Variants in LRRTM4 observed in about 807,000 individuals in gnomAD.
The protein encoded by LRRTM4 is leucine rich repeat transmembrane neuronal 4.
Under a neutral mutation model 47.6 loss-of-function variants are expected in LRRTM4, and 25 were observed. That is an observed-to-expected ratio of 0.53 (90% CI 0.38 to 0.73). The LOEUF is 0.73. Among genes scored for constraint, LRRTM4 ranks in the 30% least tolerant of loss-of-function variants. The pLI is 0.00. For missense variants in LRRTM4, 638 were observed against 713.4 expected, an observed-to-expected ratio of 0.89 and a Z score of 1.20; for synonymous variants, 311 against 269.5, an observed-to-expected ratio of 1.15 and a Z score of -1.51.
chr2:77,359,213 T>C (rs945525443), intron 3 of LRRTM4, among the ~76,000 whole-genome samples: 8 of 152,170 alleles, frequency 5.3e-5, no homozygotes, highest in Non-Finnish European at 1.2e-4. Context: ...TCTTGTTTTA[T>C]GACTTTATAA....
intron 3 of LRRTM4, among the ~76,000 whole-genome samples, chr2:77,392,605 G>T (rs2103817530): frequency 6.6e-6 from 1 of 152,060 alleles, no homozygotes; most frequent in South Asian, 2.1e-4. Context: ...TATGGTAAGG[G>T]AAATAAGCCA....
chr2:77,287,163 C>T (rs13432114), intron 3 of LRRTM4, among the ~76,000 whole-genome samples: 1,649 of 151,924 alleles, frequency 0.011, 33 homozygotes, highest in African/African-American at 0.037. Flanking sequence ...TAGGTAAGCC[C>T]GTGTAGGTTA....
intron 3 of LRRTM4, among the ~76,000 whole-genome samples, chr2:77,013,178 G>T (rs1289621121): frequency 6.6e-6 from 1 of 152,072 alleles, no homozygotes; most frequent in Non-Finnish European, 1.5e-5. Flanking sequence ...TGAATCAGGA[G>T]GGAAAGGTAT....
At chr2:77,295,486 G>A (rs1469516397) in intron 3 of LRRTM4, among the ~76,000 whole-genome samples, 2 of 152,114 alleles carry the variant, frequency 1.3e-5, no homozygotes, top group African/African-American at 2.4e-5. Flanking sequence ...GGAAGATATT[G>A]GAAAATTGCT....
intron 3 of LRRTM4, among the ~76,000 whole-genome samples, chr2:77,047,663 C>A (rs143318084): frequency 1.3e-5 from 2 of 152,162 alleles, no homozygotes; most frequent in East Asian, 3.9e-4. Context: ...ATGGTCTACC[C>A]TACTCCAGTG....
intron 3 of LRRTM4, among the ~76,000 whole-genome samples, chr2:77,025,045 A>G (rs1385107260): frequency 1.3e-5 from 2 of 152,190 alleles, no homozygotes; most frequent in Non-Finnish European, 2.9e-5. Flanking sequence ...TTATATTTTC[A>G]TACTTCAAAT....
chr2:76,852,233 T>C (rs1309580148), intron 3 of LRRTM4, among the ~76,000 whole-genome samples: 3 of 152,280 alleles, frequency 2.0e-5, no homozygotes, highest in Non-Finnish European at 4.4e-5. Flanking sequence ...ACTTCTGTTC[T>C]ATGGAATCAA....
chr2:77,438,377 G>A (rs997564560), intron 3 of LRRTM4, among the ~76,000 whole-genome samples: 1 of 146,036 alleles, frequency 6.8e-6, no homozygotes, highest in South Asian at 2.2e-4. Context: ...CTACATTTTC[G>A]CTCTCGATCA....
At chr2:77,086,494 T>G (rs1488539307) in intron 3 of LRRTM4, among the ~76,000 whole-genome samples, 1 of 150,628 alleles carries the variant, frequency 6.6e-6, no homozygotes, top group Non-Finnish European at 1.5e-5. Context: ...TTTTTTTTTT[T>G]GAAATGGAGT....
intron 3 of LRRTM4, among the ~76,000 whole-genome samples, chr2:77,430,488 G>T (rs751346918): frequency 1.3e-5 from 2 of 152,138 alleles, no homozygotes; most frequent in East Asian, 3.9e-4. Flanking sequence ...TTGGAAGGCC[G>T]AGGCGGGAGG....
At chr2:77,008,432 T>A (rs1274084263) in intron 3 of LRRTM4, among the ~76,000 whole-genome samples, 1 of 152,146 alleles carries the variant, frequency 6.6e-6, no homozygotes, top group Non-Finnish European at 1.5e-5. Flanking sequence ...TTAAAATAAT[T>A]TAGTTTTATT....
chr2:77,339,313 A>G (rs1369777653), intron 3 of LRRTM4, among the ~76,000 whole-genome samples: 1 of 152,010 alleles, frequency 6.6e-6, no homozygotes, highest in Non-Finnish European at 1.5e-5. Context: ...TTTTCTTAAG[A>G]ATTTTTTCAA....
chr2:77,369,965 G>A (rs781409691), intron 3 of LRRTM4, among the ~76,000 whole-genome samples: 2 of 151,744 alleles, frequency 1.3e-5, no homozygotes, highest in East Asian at 1.9e-4. Flanking sequence ...TTGTTATGAT[G>A]CATGACTCTC....
intron 3 of LRRTM4, among the ~76,000 whole-genome samples, chr2:76,776,375 C>T (rs939544097): frequency 1.3e-5 from 2 of 152,114 alleles, no homozygotes; most frequent in African/African-American, 4.8e-5. Flanking sequence ...GTCCCACCAA[C>T]AGTGTAAAAG....
intron 3 of LRRTM4, among the ~76,000 whole-genome samples, chr2:77,013,215 C>G: frequency 6.6e-6 from 1 of 152,120 alleles, no homozygotes; most frequent in Non-Finnish European, 1.5e-5. Flanking sequence ...GAGGTAGAAG[C>G]AAAGAGCAGG....
chr2:76,808,179 C>A (rs920120852), intron 3 of LRRTM4, among the ~76,000 whole-genome samples: 3 of 151,760 alleles, frequency 2.0e-5, no homozygotes, highest in Non-Finnish European at 2.9e-5. Context: ...CGCCACGACG[C>A]CAGGCTAATT....
In LRRTM4 at chr2:77,480,820, GTGGAGAGA is replaced by G. The variant is rs1414279981; in HGVS notation, c.1551+37490_1551+37497del. Among the ~76,000 whole-genome samples, 80 of 99,128 alleles carry G rather than the reference GTGGAGAGA, an allele frequency of 8.1e-4. No homozygotes were observed. The East Asian group carries it at 0.03, about 37-fold the overall frequency. The allele number at this position is 99,128 out of a possible 152,430, so 65.0% of individuals were successfully genotyped here. On this transcript the variant is annotated intron_variant, in intron 3 of 3. Coordinates refer to ENST00000409884, the MANE Select transcript of LRRTM4 (RefSeq NM_001134745.3). ...TGTGTGTGTGTGTGTGTGTGTGTGT[GTGGAGAGA>G]GAGAGAGAGAGAGAGAGAGAGAGAG...
chr2:76,870,942 G>A (rs1672606157), intron 3 of LRRTM4, among the ~76,000 whole-genome samples: 1 of 152,042 alleles, frequency 6.6e-6, no homozygotes, highest in African/African-American at 2.4e-5. Context: ...CCCTATCTTT[G>A]TACTAAGCTT....
At chr2:77,357,888 C>G (rs925302501) in intron 3 of LRRTM4, among the ~76,000 whole-genome samples, 2 of 151,988 alleles carry the variant, frequency 1.3e-5, no homozygotes, top group Non-Finnish European at 2.9e-5. Context: ...AATAACTTCC[C>G]ACTCAGAGGG....
Sources: gnomAD v4.1 joint callset for allele counts (sites outside exome capture counted in the v4.1 genomes callset) on GRCh38, gnomAD v4.1.1 for gene constraint, MANE v1.5 for transcripts, NCBI Gene and HGNC (gene_info 2026-07-23, HGNC 2026-07-21) for gene names.